Variants in FLI1 observed in about 807,000 individuals in gnomAD.
FLI1 encodes the protein Fli-1 proto-oncogene, ETS transcription factor, also known as Friend leukemia integration 1 transcription factor.
A neutral mutation model predicts 53.1 loss-of-function variants in FLI1; 13 were observed. The observed-to-expected ratio is 0.24, with a 90% CI of 0.16 to 0.39. The LOEUF (loss-of-function observed/expected upper bound fraction) is 0.39. FLI1 is among the 10% of genes least tolerant of loss of function. The pLI, the probability that FLI1 is intolerant of heterozygous loss-of-function variation, is 1.00. For synonymous variants in FLI1, 244 were observed against 236.7 expected (o/e 1.03, Z -0.28); for missense variants, 424 against 600.5 (o/e 0.71, Z 3.07).
At chr11:128,694,330 CGGCG>C in intron 1 of FLI1, 54 bp downstream of exon 1, 1 of 1,284,772 alleles carries the variant, frequency 7.8e-7, no homozygotes, top group Non-Finnish European at 1.0e-6. Flanking sequence ...GGAGGCGAAG[CGGCG>C]GGCGGGTAGG....
chr11:128,728,477 G>A (rs926212564), intron 1 of FLI1, among the ~76,000 whole-genome samples: 3 of 152,392 alleles, frequency 2.0e-5, no homozygotes, highest in Non-Finnish European at 4.4e-5. Flanking sequence ...GTGCTCCTGC[G>A]TGTTGACGCT....
At chr11:128,748,166 T>C (rs905742357) in intron 1 of FLI1, 7 of 534,246 alleles carry the variant, frequency 1.3e-5, no homozygotes, top group African/African-American at 1.0e-4. Flanking sequence ...ACTTAGGCTA[T>C]ACCCTTCATT....
chr11:128,686,809 T>C (rs1370042896), intron 1 of FLI1: 6 of 251,960 alleles, frequency 2.4e-5, no homozygotes, highest in African/African-American at 1.1e-4. Context: ...GGGGTGGAAG[T>C]GGGCCCTACT....
At chr11:128,707,106 T>A (rs1032537098) in intron 1 of FLI1, among the ~76,000 whole-genome samples, 3 of 152,184 alleles carry the variant, frequency 2.0e-5, no homozygotes, top group African/African-American at 7.2e-5. Context: ...GCTTGGGCGA[T>A]AGCAAAGGCA....
At chr11:128,692,938 C>T (rs929880951), upstream of FLI1, 1 of 152,376 alleles carries the variant, frequency 6.6e-6, no homozygotes, top group Non-Finnish European at 1.5e-5. Flanking sequence ...ACGCCGGCCT[C>T]CAGGCTGGGT....
intron 5 of FLI1, among the ~76,000 whole-genome samples, chr11:128,788,455 TG>T: frequency 6.6e-6 from 1 of 151,830 alleles, no homozygotes; most frequent in East Asian, 1.9e-4. Context: ...GGTGACAGAG[TG>T]AGACTCTGTC....
At chr11:128,808,623 A>C (rs1428201950) in intron 7 of FLI1, among the ~76,000 whole-genome samples, 2 of 152,232 alleles carry the variant, frequency 1.3e-5, no homozygotes, top group African/African-American at 2.4e-5. Flanking sequence ...GTCAGATGAG[A>C]AAACTGATTC....
intron 1 of FLI1, among the ~76,000 whole-genome samples, chr11:128,694,922 C>A (rs900169306): frequency 6.6e-6 from 1 of 152,162 alleles, no homozygotes; most frequent in African/African-American, 2.4e-5. Context: ...CCGCCGGCTC[C>A]GCGGGACTCC....
intron 4 of FLI1, among the ~76,000 whole-genome samples, chr11:128,777,558 T>C (rs1490408199): frequency 2.6e-5 from 4 of 152,210 alleles, no homozygotes; most frequent in African/African-American, 9.6e-5. Flanking sequence ...GGTGCAATCT[T>C]ATCACTTCCA....
At chr11:128,744,538 T>C (rs1262411753) in intron 1 of FLI1, among the ~76,000 whole-genome samples, 45 of 152,216 alleles carry the variant, frequency 3.0e-4, no homozygotes, top group Admixed American at 2.9e-3. Flanking sequence ...ATTAAAGAAC[T>C]TGTCCAAGGT....
intron 4 of FLI1, among the ~76,000 whole-genome samples, chr11:128,779,249 C>T (rs573961999): frequency 6.6e-6 from 1 of 152,316 alleles, no homozygotes; most frequent in South Asian, 2.1e-4. Flanking sequence ...AGGCAGTTTG[C>T]TCCTCGGAGA....
intron 1 of FLI1, among the ~76,000 whole-genome samples, chr11:128,744,979 G>A (rs1044136708): frequency 1.8e-4 from 28 of 152,224 alleles, no homozygotes; most frequent in Admixed American, 1.3e-4. Context: ...AGACTTCCTG[G>A]AGGAGGCAGA....
At chr11:128,757,044 T>TTTTCTTTCTTTCTTTCTTTCTTTC (rs147249846) in intron 1 of FLI1, among the ~76,000 whole-genome samples, 45 of 107,112 alleles carry the variant, frequency 4.2e-4, no homozygotes, top group East Asian at 1.3e-3. Context: ...CTAGCTAATT[T>TTTTCTTTCTTTCTTTCTTTCTTTC]TTTCTTTCTT....
At chr11:128,747,748 CT>C (rs1940461713) in intron 1 of FLI1, among the ~76,000 whole-genome samples, 1 of 152,214 alleles carries the variant, frequency 6.6e-6, no homozygotes. Flanking sequence ...ATTGCCGACC[CT>C]TTTGTGGTTC....
chr11:128,749,443 G>A (rs916692348), intron 1 of FLI1, among the ~76,000 whole-genome samples: 3 of 152,214 alleles, frequency 2.0e-5, no homozygotes, highest in African/African-American at 7.2e-5. Context: ...CGGTTGCTCA[G>A]CTTGGGCTAA....
At chr11:128,773,038 C>G in intron 4 of FLI1, 53 bp downstream of exon 4, 1 of 1,533,162 alleles carries the variant, frequency 6.5e-7, no homozygotes, top group Middle Eastern at 1.8e-4. Context: ...ATGGAGCCAA[C>G]CCAGGGAGAG....
intron 1 of FLI1, among the ~76,000 whole-genome samples, chr11:128,694,678 C>T (rs891184498): frequency 1.3e-5 from 2 of 152,162 alleles, no homozygotes; most frequent in Non-Finnish European, 2.9e-5. Context: ...CACTGGGCTT[C>T]CTCTCCGCAG....
At chr11:128,758,447 C>T in intron 2 of FLI1, 121 bp downstream of exon 2, 2 of 773,400 alleles carry the variant, frequency 2.6e-6, no homozygotes, top group Non-Finnish European at 2.2e-6. Context: ...GGCCAGGAAG[C>T]CTGTGTCAGT....
At chr11:128,804,538 T>C (rs1942724927) in intron 5 of FLI1, 1 of 152,204 alleles carries the variant, frequency 6.6e-6, no homozygotes, top group Non-Finnish European at 1.5e-5. Context: ...TTGAGGAGTA[T>C]TCTCCAAGAC....
Sources: gnomAD v4.1 joint callset for allele counts (sites outside exome capture counted in the v4.1 genomes callset) on GRCh38, gnomAD v4.1.1 for gene constraint, MANE v1.5 for transcripts, NCBI Gene and HGNC (gene_info 2026-07-23, HGNC 2026-07-21) for gene names.